ETFBKMT: variants seen among roughly 807,000 people sequenced by gnomAD.
The protein encoded by ETFBKMT is electron transfer flavoprotein beta subunit lysine methyltransferase.
A neutral mutation model predicts 18.3 loss-of-function variants in ETFBKMT; 13 were observed. The observed-to-expected ratio is 0.71, with a 90% CI of 0.46 to 1.13. ETFBKMT has a LOEUF of 1.13. ETFBKMT is among the 50% of genes most tolerant of loss of function. The probability of loss-of-function intolerance (pLI) is 0.00; values close to 1 mark genes in which losing one functional copy is unlikely to be tolerated. For synonymous variants in ETFBKMT, 84 were observed against 107.9 expected (o/e 0.78, Z 1.37); for missense variants, 293 against 306.2 (o/e 0.96, Z 0.32).
At position 31,668,079 on chromosome 12, in the gene ETFBKMT, G is replaced by C. The variant is rs1371574940; in HGVS notation, c.*89G>C. On this transcript the variant is annotated 3_prime_UTR_variant, in exon 4 of 4. Transcript: ENST00000357721. ...TATAGGAGATACTCTCCAGTTTAATGAATGTAATTCTTGTTAAATGGAAAA... is the reference window on the plus strand; with the variant it reads ...TATAGGAGATACTCTCCAGTTTAATCAATGTAATTCTTGTTAAATGGAAAA... 1 of 1,013,322 alleles carries C rather than the reference G, an allele frequency of 9.9e-7. No homozygotes were observed. Among genetic ancestry groups the C allele is most frequent in the Admixed American group, 2.8e-5 (1 of 35,416 alleles). 62.8% of individuals were successfully genotyped at this position (1,013,322 alleles called of 1,614,324 possible).
At position 31,662,175 on chromosome 12, in the gene ETFBKMT, C is replaced by T; in HGVS notation, c.222C>T (p.Pro74=). The T allele has an allele frequency of 1.9e-6, 3 of 1,614,240 alleles. No individual in the cohort carries two copies. The highest frequency in any genetic ancestry group is 1.3e-5 in the African/African-American group (1 of 75,060). The change falls in exon 2 of 4, where the codon CCC becomes CCT. Residue 74 remains proline, a synonymous_variant. Coordinates refer to ENST00000357721, the MANE Select transcript of ETFBKMT (RefSeq NM_001135863.2). ...AAATCCAGTTGCGGCTTTTGACCCC[C>T]AGATGCAAATTCTGGTGGGAGAGAG... is the stretch of plus-strand genomic sequence containing the variant. ...TPEIQLRLLT[P]RCKFWWERAD...
upstream of ETFBKMT, among the ~76,000 whole-genome samples, chr12:31,657,608 A>ATGG (rs1433761663): frequency 6.6e-6 from 1 of 152,090 alleles, no homozygotes; most frequent in East Asian, 1.9e-4. Flanking sequence ...CCTGACCAAC[A>ATGG]TGGTGAAACC....
chr12:31,667,643 T>A lies in ETFBKMT; in HGVS notation c.446-4T>A, dbSNP rs780785130. On this transcript the variant is annotated splice_polypyrimidine_tract_variant and splice_region_variant and intron_variant, in intron 3 of 3. Transcript: ENST00000357721. ...ATTCATTTTGTGCTTTTTTTTTTTT[T>A]AAGTTGCAGGAATGGCTATTACACT... 5.1e-6 allele frequency: 8 copies of A among 1,553,966 alleles called. No homozygotes were observed. Among genetic ancestry groups the A allele is most frequent in the South Asian group, 3.6e-5 (3 of 84,498 alleles).
intron 1 of ETFBKMT, among the ~76,000 whole-genome samples, chr12:31,660,522 T>C: frequency 6.6e-6 from 1 of 151,856 alleles, no homozygotes; most frequent in East Asian, 1.9e-4. Flanking sequence ...GGTGTTTTTC[T>C]ATATATATAT....
intron 1 of ETFBKMT, among the ~76,000 whole-genome samples, chr12:31,648,170 T>G (rs1197296663): frequency 6.6e-6 from 1 of 152,210 alleles, no homozygotes; most frequent in Non-Finnish European, 1.5e-5. Context: ...AATATTCACA[T>G]AATGGAATAT....
Position 31,662,274 on chromosome 12 carries a change from C to T in ETFBKMT, c.314+7C>T, listed in dbSNP as rs1260527031. The T allele has an allele frequency of 1.2e-6, 2 of 1,612,606 alleles. No homozygotes were observed. The highest frequency in any genetic ancestry group is 8.5e-7 in the Non-Finnish European group (1 of 1,179,080). On this transcript the variant is annotated splice_region_variant and intron_variant, in intron 2 of 3. Coordinates refer to ENST00000357721, the MANE Select transcript of ETFBKMT (RefSeq NM_001135863.2). ...GAGGCCAAGCCCTGTCTAGGTACTACCCTAATGAAACCTTTAAGGCGCTAC... is the reference window on the plus strand; with the variant it reads ...GAGGCCAAGCCCTGTCTAGGTACTATCCTAATGAAACCTTTAAGGCGCTAC...
Position 31,672,158 on chromosome 12 carries a change from A to T in ETFBKMT, c.*4168A>T. On this transcript the variant is annotated 3_prime_UTR_variant, in exon 4 of 4. Coordinates refer to ENST00000357721, the MANE Select transcript of ETFBKMT (RefSeq NM_001135863.2). ...ACAAACCATGTATATACCAAGACTT[A>T]GCTAATTCTCTGAGAGTTATAACTT... 1 of 620,096 alleles carries T rather than the reference A, an allele frequency of 1.6e-6. No individual in the cohort carries two copies. The highest frequency in any genetic ancestry group is 2.8e-5 in the East Asian group (1 of 35,500). 38.4% of individuals were successfully genotyped at this position (620,096 alleles called of 1,614,324 possible). A position where few individuals can be genotyped will look rare whatever the true frequency, so the allele number is the denominator to read the frequency against.
At chr12:31,647,277 A>G (rs1251886937) in intron 1 of ETFBKMT, 1 of 152,332 alleles carries the variant, frequency 6.6e-6, no homozygotes, top group African/African-American at 2.4e-5. Context: ...TCGTAGTCAG[A>G]CTGGGCTGTT....
At chr12:31,650,627 C>CT (rs57675973) in intron 1 of ETFBKMT, among the ~76,000 whole-genome samples, 396 of 138,218 alleles carry the variant, frequency 2.9e-3, no homozygotes, top group African/African-American at 4.4e-3. Flanking sequence ...ATGACCTGAC[C>CT]TTTTTTTTTT....
rs1461365032 is a variant in ETFBKMT, at chr12:31,672,265, T to C, written c.*4275T>C. The C allele has an allele frequency of 3.5e-6, 5 of 1,427,138 alleles. No homozygotes were observed. Among genetic ancestry groups the C allele is most frequent in the African/African-American group, 1.4e-5 (1 of 70,734 alleles). The allele number at this position is 1,427,138 out of a possible 1,614,324, so 88.4% of individuals were successfully genotyped here. The stretch of plus-strand genomic sequence containing the variant: ...AGATGGTTTCCTGGGAAAGTAGTTT[T>C]GATAAGCTTTCCTAGCATTGATCAT... On this transcript the variant is annotated 3_prime_UTR_variant, in exon 4 of 4. Coordinates refer to ENST00000357721, the MANE Select transcript of ETFBKMT (RefSeq NM_001135863.2).
At chr12:31,661,306 A>C (rs1019874870) in intron 1 of ETFBKMT, among the ~76,000 whole-genome samples, 1 of 152,212 alleles carries the variant, frequency 6.6e-6, no homozygotes, top group East Asian at 1.9e-4. Flanking sequence ...GGATTCTTTC[A>C]AAATCAAATG....
intron 3 of ETFBKMT, among the ~76,000 whole-genome samples, chr12:31,666,627 T>G (rs1353326434): frequency 6.6e-6 from 1 of 151,916 alleles, no homozygotes; most frequent in Non-Finnish European, 1.5e-5. Context: ...GAGAATATAG[T>G]CCTTGAAAAC....
At chr12:31,665,259 T>G (rs1487029735) in intron 2 of ETFBKMT, among the ~76,000 whole-genome samples, 4 of 152,132 alleles carry the variant, frequency 2.6e-5, no homozygotes, top group African/African-American at 7.2e-5. Context: ...TGAAAAAAAT[T>G]GACTTGAATA....
Position 31,661,827 on chromosome 12 carries a change from C to CTT in ETFBKMT, c.-113-5_-113-4dup. 3.6e-5 allele frequency: 24 copies of CTT among 662,828 alleles called. No individual in the cohort carries two copies. Among genetic ancestry groups the CTT allele is most frequent in the South Asian group, 4.6e-5 (2 of 43,496 alleles). 41.1% of individuals were successfully genotyped at this position (662,828 alleles called of 1,614,324 possible). A position where few individuals can be genotyped will look rare whatever the true frequency, so the allele number is the denominator to read the frequency against. On this transcript the variant is annotated splice_polypyrimidine_tract_variant and intron_variant, in intron 1 of 3. Transcript: ENST00000357721. ...CCTCAGAATTCTCAGTATTACTTTT[C>CTT]TTTTTTTTTTCAGAGTCAGAGGTTC...
rs1951234150 is a variant in ETFBKMT, at chr12:31,669,132, T to A, written c.*1142T>A. On this transcript the variant is annotated 3_prime_UTR_variant, in exon 4 of 4. Coordinates refer to ENST00000357721, the MANE Select transcript of ETFBKMT (RefSeq NM_001135863.2). ...GGTAGGGCTACTGTTTGCTGTAGAG[T>A]AGATATTACAGGCTAAATTTTCCTC... The A allele has an allele frequency of 6.6e-6, 1 of 152,176 alleles. No individual in the cohort carries two copies. Among genetic ancestry groups the A allele is most frequent in the Non-Finnish European group, 1.5e-5 (1 of 68,030 alleles). 9.4% of individuals were successfully genotyped at this position (152,176 alleles called of 1,614,324 possible).
chr12:31,667,651 A>G lies in ETFBKMT; in HGVS notation c.450A>G (p.Ala150=). ...TGTGCTTTTTTTTTTTTTAAGTTGC[A>G]GGAATGGCTATTACACTAAATTGTG... ...RILANDIDPI[A]GMAITLNCEL... Residue 150 remains alanine (A), a synonymous_variant, in exon 4 of 4, where the codon GCA becomes GCG. Coordinates refer to ENST00000357721, the MANE Select transcript of ETFBKMT (RefSeq NM_001135863.2). The G allele has an allele frequency of 6.3e-7, 1 of 1,579,914 alleles. No homozygotes were observed.
At chr12:31,666,009 G>A (rs1951189386) in intron 2 of ETFBKMT, 78 bp from the exon 3 acceptor site, 1 of 1,350,880 alleles carries the variant, frequency 7.4e-7, no homozygotes, top group Non-Finnish European at 1.0e-6. Context: ...GCCAGTTTAT[G>A]GCCAGATTTT....
At chr12:31,666,567 A>T (rs976419392) in intron 3 of ETFBKMT, among the ~76,000 whole-genome samples, 3 of 152,206 alleles carry the variant, frequency 2.0e-5, no homozygotes, top group African/African-American at 7.2e-5. Context: ...CCAGGCTGAG[A>T]CAGGTAAGTT....
chr12:31,668,087 T>C lies in ETFBKMT; in HGVS notation c.*97T>C, dbSNP rs1269063625. Reference sequence around the variant, plus strand: ...ATACTCTCCAGTTTAATGAATGTAATTCTTGTTAAATGGAAAATCTTGTTT... The same window carrying C: ...ATACTCTCCAGTTTAATGAATGTAACTCTTGTTAAATGGAAAATCTTGTTT... On this transcript the variant is annotated 3_prime_UTR_variant, in exon 4 of 4. Coordinates refer to ENST00000357721, the MANE Select transcript of ETFBKMT (RefSeq NM_001135863.2). 1.2e-5 allele frequency: 12 copies of C among 961,754 alleles called. No homozygotes were observed. Among genetic ancestry groups the C allele is most frequent in the Non-Finnish European group, 1.8e-5 (12 of 658,364 alleles). 59.6% of individuals were successfully genotyped at this position (961,754 alleles called of 1,614,324 possible).
Sources: allele counts gnomAD v4.1 joint callset (sites outside exome capture counted in the v4.1 genomes callset), GRCh38; gene constraint gnomAD v4.1.1; transcripts MANE v1.5; gene names NCBI Gene and HGNC (gene_info 2026-07-23, HGNC 2026-07-21).